The following CACNA1D variants were observed in gnomAD, a reference collection of about 807,000 sequenced individuals.
CACNA1D encodes calcium voltage-gated channel subunit alpha1 D.
CACNA1D carries 55 observed loss-of-function variants against 257.1 expected under a neutral mutation model. That is an observed-to-expected ratio of 0.21 (90% CI 0.17 to 0.27). The LOEUF (loss-of-function observed/expected upper bound fraction) is 0.27, where lower values mean the gene tolerates loss of function less well. Ranked by LOEUF, CACNA1D falls within the 10% of genes least tolerant of loss-of-function variation. The pLI, the probability that CACNA1D is intolerant of heterozygous loss-of-function variation, is 1.00. For synonymous variants in CACNA1D, 980 were observed against 1,014.9 expected (o/e 0.97, Z 0.65); for missense variants, 1,876 against 2,784.0 (o/e 0.67, Z 7.34).
At chr3:53,671,272 C>T (rs569602370) in intron 7 of CACNA1D, among the ~76,000 whole-genome samples, 4 of 152,272 alleles carry the variant, frequency 2.6e-5, no homozygotes, top group Admixed American at 6.5e-5. Context: ...ATGACGGTTG[C>T]TAGGGTCATG....
Position 53,725,113 on chromosome 3 carries a change from A to G in CACNA1D, c.2100+1114A>G, listed in dbSNP as rs558879480. The stretch of plus-strand genomic sequence containing the variant: ...TTTCCTCTTCTAGGAAGCAACCACC[A>G]TTAAACAGTTTCTTGTGAATTCTTA... On this transcript the variant is annotated intron_variant, in intron 14 of 47. Coordinates refer to ENST00000350061, the MANE Select transcript of CACNA1D (RefSeq NM_001128840.3). Among the ~76,000 whole-genome samples the G allele has an allele frequency of 3.0e-3, 451 of 151,964 alleles. 3 individuals are homozygous for G. The highest frequency in any genetic ancestry group is 4.1e-3 in the Admixed American group (62 of 15,246).
chr3:53,502,798 C>G (rs1249152981), intron 3 of CACNA1D, among the ~76,000 whole-genome samples: 2 of 152,082 alleles, frequency 1.3e-5, no homozygotes, highest in African/African-American at 2.4e-5. Context: ...ATCCTTCTTG[C>G]AAGGATTGGT....
intron 3 of CACNA1D, among the ~76,000 whole-genome samples, chr3:53,522,325 C>G (rs1358401629): frequency 6.6e-6 from 1 of 152,202 alleles, no homozygotes; most frequent in Non-Finnish European, 1.5e-5. Flanking sequence ...GGTCCCTCAT[C>G]TACCTGCTGC....
chr3:53,708,454 G>A (rs1165461926), intron 9 of CACNA1D, among the ~76,000 whole-genome samples: 1 of 152,220 alleles, frequency 6.6e-6, no homozygotes, highest in Admixed American at 6.5e-5. Flanking sequence ...TCAGTGGCTG[G>A]ACACTGTCTC....
chr3:53,516,968 C>G (rs1393861243), intron 3 of CACNA1D, among the ~76,000 whole-genome samples: 1 of 152,188 alleles, frequency 6.6e-6, no homozygotes, highest in Admixed American at 6.5e-5. Context: ...GGAGAGAATG[C>G]TGAATTTGGA....
rs140195539 is a variant in CACNA1D at position 53,786,274 on chromosome 3, G to A, written c.4793-548G>A. ...GAAATGGTATATGGAGCTTATTGGT[G>A]GAGAATAGGGGGCGGGGAGCTCATG... On this transcript the variant is annotated intron_variant, in intron 39 of 47. Coordinates refer to ENST00000350061, the MANE Select transcript of CACNA1D (RefSeq NM_001128840.3). 1.5e-3 allele frequency: 234 copies of A among 161,328 alleles called. 2 individuals are homozygous for A. Among genetic ancestry groups the A allele is most frequent in the Non-Finnish European group, 4.2e-4 (31 of 73,346 alleles). 10.0% of individuals were successfully genotyped at this position (161,328 alleles called of 1,614,324 possible). A position where few individuals can be genotyped will look rare whatever the true frequency, so the allele number is the denominator to read the frequency against.
At chr3:53,561,853 G>A (rs1021270087) in intron 3 of CACNA1D, among the ~76,000 whole-genome samples, 4 of 152,196 alleles carry the variant, frequency 2.6e-5, no homozygotes, top group African/African-American at 9.6e-5. Flanking sequence ...ATATGAAAAT[G>A]TTCATTGCTT....
intron 3 of CACNA1D, among the ~76,000 whole-genome samples, chr3:53,593,679 T>A (rs968201423): frequency 6.6e-6 from 1 of 152,134 alleles, no homozygotes; most frequent in African/African-American, 2.4e-5. Context: ...GGGCAGTGGG[T>A]ATTCTTCCCC....
intron 9 of CACNA1D, among the ~76,000 whole-genome samples, chr3:53,707,704 C>G (rs2094705368): frequency 6.6e-6 from 1 of 151,964 alleles, no homozygotes; most frequent in African/African-American, 2.4e-5. Context: ...GCAGCTGCTT[C>G]TGAGTTAACA....
chr3:53,747,413 G>T lies in CACNA1D; in HGVS notation c.3279G>T (p.Ala1093=), dbSNP rs36061665. The part of the protein sequence containing the change: ...NFDNVLSAMM[A]LFTVSTFEGW... ...ACAACGTCCTCTCTGCTATGATGGCGCTCTTCACAGTCTCCACGTTTGAGG... is the reference window on the plus strand; with the variant it reads ...ACAACGTCCTCTCTGCTATGATGGCTCTCTTCACAGTCTCCACGTTTGAGG... Residue 1093 remains alanine, a synonymous_variant, in exon 26 of 48, where the codon GCG becomes GCT. Transcript: ENST00000350061. 1.3e-4 allele frequency: 216 copies of T among 1,614,074 alleles called. No individual in the cohort carries two copies. Among genetic ancestry groups the T allele is most frequent in the Non-Finnish European group, 1.6e-4 (193 of 1,180,006 alleles).
chr3:53,617,165 T>C (rs2093646360), intron 3 of CACNA1D, among the ~76,000 whole-genome samples: 2 of 152,180 alleles, frequency 1.3e-5, no homozygotes, highest in Non-Finnish European at 2.9e-5. Flanking sequence ...TGTCTCACGA[T>C]ACTCACTGTT....
At chr3:53,520,331 A>C (rs2091503506) in intron 3 of CACNA1D, among the ~76,000 whole-genome samples, 1 of 152,230 alleles carries the variant, frequency 6.6e-6, no homozygotes, top group Non-Finnish European at 1.5e-5. Context: ...AATTATAGCC[A>C]TCATAGTGCA....
intron 3 of CACNA1D, among the ~76,000 whole-genome samples, chr3:53,503,172 A>G (rs2090676229): frequency 6.6e-6 from 1 of 152,238 alleles, no homozygotes; most frequent in Non-Finnish European, 1.5e-5. Context: ...TTTGATATCT[A>G]GAGAATTTTC....
intron 3 of CACNA1D, among the ~76,000 whole-genome samples, chr3:53,646,473 C>T (rs762271501): frequency 3.0e-4 from 45 of 152,042 alleles, no homozygotes; most frequent in Non-Finnish European, 3.1e-4. Context: ...TAGCTTTATT[C>T]CTTTCGGTTT....
intron 46 of CACNA1D, 52 bp from the exon 47 acceptor site, chr3:53,809,926 G>T: frequency 6.4e-7 from 1 of 1,557,692 alleles, no homozygotes; most frequent in South Asian, 1.1e-5. Context: ...GAAGGTTTGA[G>T]GCCCGGACCT....
At chr3:53,693,461 ATT>A (rs10576296) in intron 8 of CACNA1D, among the ~76,000 whole-genome samples, 19,105 of 142,390 alleles carry the variant, frequency 0.13, 1,541 homozygotes, top group African/African-American at 0.22. Flanking sequence ...CATTGCTGTT[ATT>A]TTTTTTTTTT....
In CACNA1D at chr3:53,660,172, A is replaced by G; in HGVS notation, c.663A>G (p.Thr221=). Reference sequence around the variant, plus strand: ...TTTTGGAACAATTAACCAAAGAAACAGAAGGCGGGAACCACTCAAGCGGCA... The same window carrying G: ...TTTTGGAACAATTAACCAAAGAAACGGAAGGCGGGAACCACTCAAGCGGCA... ...SVILEQLTKE[T]EGGNHSSGKS... Residue 221 remains threonine (T), a synonymous_variant, in exon 5 of 48, where the codon ACA becomes ACG. Coordinates refer to ENST00000350061, the MANE Select transcript of CACNA1D (RefSeq NM_001128840.3). 1 of 1,613,992 alleles carries G rather than the reference A, an allele frequency of 6.2e-7. No individual in the cohort carries two copies. Among genetic ancestry groups the G allele is most frequent in the Non-Finnish European group, 8.5e-7 (1 of 1,179,832 alleles).
At chr3:53,696,102 C>T (rs2094570751) in intron 8 of CACNA1D, among the ~76,000 whole-genome samples, 1 of 152,094 alleles carries the variant, frequency 6.6e-6, no homozygotes, top group South Asian at 2.1e-4. Flanking sequence ...TAGCTGAGAC[C>T]ACAGGTGCAT....
Position 53,800,363 on chromosome 3 carries a change from A to C in CACNA1D, c.5038A>C (p.Lys1680Gln), listed in dbSNP as rs771850056. 1.9e-6 allele frequency: 3 copies of C among 1,594,236 alleles called. No individual in the cohort carries two copies. The highest frequency in any genetic ancestry group is 2.6e-6 in the Non-Finnish European group (3 of 1,161,700). ...ACGAGAAGAAGAAGATGATGTGTTC[A>C]AAGTAATTATTCCACGCCTAGCTAC... The part of the protein sequence containing the change: ...TKREEEDDVF[K>Q]RNGALLGNHV... The change falls in exon 41 of 48, where the codon AAA (lysine) becomes CAA (glutamine). Residue 1680 changes from lysine to glutamine, a missense_variant and splice_region_variant. Physicochemically the swap from Lys to Gln is moderately conservative, Grantham distance 53 (BLOSUM62 1). This residue lies in a region of CACNA1D where 160 missense variants were observed against 236.6 expected (regional missense o/e 0.68). Transcript: ENST00000350061. This position sits in a 1 kb window ranked among gnomAD's most constrained non-coding sequence, Gnocchi z 4.3.
Sources: gnomAD v4.1 joint callset for allele counts (sites outside exome capture counted in the v4.1 genomes callset) on GRCh38, gnomAD v4.1.1 for gene constraint, gnomAD v4.1.1 regional missense constraint, Gnocchi (gnomAD v3.1) non-coding constraint, MANE v1.5 for transcripts, NCBI Gene and HGNC (gene_info 2026-07-23, HGNC 2026-07-21) for gene names.